Variants in DLG2 observed in about 807,000 individuals in gnomAD.
DLG2 encodes the protein disks large homolog 2.
In DLG2, 45 loss-of-function variants were observed where a neutral mutation model predicts 132.5. The ratio of observed to expected loss-of-function variants is 0.34; its 90% CI spans 0.27 to 0.44. The LOEUF is 0.44. Ranked by LOEUF, DLG2 falls within the 20% of genes least tolerant of loss-of-function variation. DLG2 has a pLI of 1.00. For synonymous variants in DLG2, 424 were observed against 419.6 expected, an observed-to-expected ratio of 1.01 and a Z score of -0.13; for missense variants, 1,045 against 1,196.9, an observed-to-expected ratio of 0.87 and a Z score of 1.87.
At chr11:84,918,307 A>G (rs1235411812) in intron 6 of DLG2, among the ~76,000 whole-genome samples, 2 of 151,414 alleles carry the variant, frequency 1.3e-5, no homozygotes, top group Non-Finnish European at 2.9e-5. Flanking sequence ...ATAAGGCAGT[A>G]TAAGATGTAT....
intron 18 of DLG2, among the ~76,000 whole-genome samples, chr11:83,782,722 G>C (rs1369576317): frequency 6.6e-6 from 1 of 152,140 alleles, no homozygotes; most frequent in African/African-American, 2.4e-5. Context: ...GATACTGTGG[G>C]TGGTGGAGGG....
At chr11:84,238,280 C>T (rs4944474) in intron 8 of DLG2, among the ~76,000 whole-genome samples, 106,197 of 151,848 alleles carry the variant, frequency 0.7, 38,146 homozygotes, top group Middle Eastern at 0.83. Flanking sequence ...TTTGAGAGGC[C>T]GAGGTGTGCG....
intron 19 of DLG2, among the ~76,000 whole-genome samples, chr11:83,551,113 G>T (rs1683462980): frequency 6.6e-6 from 1 of 151,964 alleles, no homozygotes; most frequent in Non-Finnish European, 1.5e-5. Flanking sequence ...TCATATCTTT[G>T]TACCTGGGCT....
Position 84,040,233 on chromosome 11 carries a change from C to T in DLG2, c.919+19082G>A, listed in dbSNP as rs1382574273. Among the ~76,000 whole-genome samples, 3 of 151,700 alleles carry T rather than the reference C, an allele frequency of 2.0e-5. No homozygotes were observed. The East Asian group carries it at 5.8e-4, about 30-fold the overall frequency. ...GAAGCTCTTTAGTTTAATTAGATTC[C>T]ATTTGTCAATTTTGGCTTTTGTTGC... On this transcript the variant is annotated intron_variant, in intron 11 of 27. Coordinates refer to ENST00000376104, the MANE Select transcript of DLG2 (RefSeq NM_001142699.3).
At chr11:85,037,830 AT>A (rs2061542909) in intron 6 of DLG2, among the ~76,000 whole-genome samples, 1 of 152,188 alleles carries the variant, frequency 6.6e-6, no homozygotes, top group Admixed American at 6.5e-5. Context: ...CTTATTTTTT[AT>A]TACAGATTGT....
chr11:84,899,234 C>T (rs1398429189), intron 6 of DLG2, among the ~76,000 whole-genome samples: 1 of 152,028 alleles, frequency 6.6e-6, no homozygotes, highest in Non-Finnish European at 1.5e-5. Flanking sequence ...TAGTGTCATG[C>T]TTCCCCACTC....
At chr11:84,363,348 G>T (rs1238846394) in intron 7 of DLG2, among the ~76,000 whole-genome samples, 2 of 151,550 alleles carry the variant, frequency 1.3e-5, no homozygotes, top group African/African-American at 4.8e-5. Context: ...CCCACTTTTT[G>T]ATGGGGTTGT....
intron 11 of DLG2, among the ~76,000 whole-genome samples, chr11:84,040,596 C>T (rs2096045328): frequency 6.6e-6 from 1 of 151,998 alleles, no homozygotes; most frequent in Non-Finnish European, 1.5e-5. Context: ...GTTTTGGTAC[C>T]AGTACCATGC....
intron 7 of DLG2, among the ~76,000 whole-genome samples, chr11:84,399,605 T>C (rs1028450748): frequency 6.6e-6 from 1 of 151,974 alleles, no homozygotes; most frequent in Non-Finnish European, 1.5e-5. Flanking sequence ...TTAGTAGAGA[T>C]GGGGTTTCAC....
At chr11:85,130,501 C>T (rs997138884) in intron 5 of DLG2, among the ~76,000 whole-genome samples, 1 of 152,096 alleles carries the variant, frequency 6.6e-6, no homozygotes, top group African/African-American at 2.4e-5. Flanking sequence ...TTTCTGTTTT[C>T]CTGCCACTAA....
intron 4 of DLG2, among the ~76,000 whole-genome samples, chr11:85,204,429 T>C (rs2081714666): frequency 6.6e-6 from 1 of 152,092 alleles, no homozygotes; most frequent in Non-Finnish European, 1.5e-5. Context: ...GCAATCCCAT[T>C]AACAATAGTT....
intron 5 of DLG2, among the ~76,000 whole-genome samples, chr11:85,131,360 TA>T (rs2075694953): frequency 1.1e-4 from 16 of 152,114 alleles, no homozygotes. Context: ...TGGGAATAAA[TA>T]ATCATAAAAC....
intron 6 of DLG2, among the ~76,000 whole-genome samples, chr11:84,906,564 C>T (rs1252565316): frequency 6.6e-6 from 1 of 151,956 alleles, no homozygotes; most frequent in Non-Finnish European, 1.5e-5. Flanking sequence ...AAAAAGCTTG[C>T]CTCCTTCTAC....
intron 18 of DLG2, among the ~76,000 whole-genome samples, chr11:83,782,733 G>T (rs2094883812): frequency 6.6e-6 from 1 of 152,164 alleles, no homozygotes; most frequent in South Asian, 2.1e-4. Flanking sequence ...TGGTGGAGGG[G>T]TGAGTGGGGT....
chr11:83,790,203 C>G (rs565715369), intron 17 of DLG2: 8 of 874,496 alleles, frequency 9.1e-6, no homozygotes, highest in African/African-American at 1.7e-5. Context: ...ACTGAATGCT[C>G]AATTAGATCA....
At chr11:85,577,189 T>C (rs1225338748) in intron 3 of DLG2, among the ~76,000 whole-genome samples, 2 of 152,142 alleles carry the variant, frequency 1.3e-5, no homozygotes, top group African/African-American at 4.8e-5. Context: ...AAAATATCAC[T>C]CTGTATGCTA....
At chr11:85,360,180 T>C (rs549514242) in intron 3 of DLG2, among the ~76,000 whole-genome samples, 16 of 152,304 alleles carry the variant, frequency 1.1e-4, no homozygotes, top group African/African-American at 3.8e-4. Context: ...GGTTTCTAGT[T>C]GTCAGTTTAG....
chr11:84,355,326 T>A (rs1314611440), intron 7 of DLG2, among the ~76,000 whole-genome samples: 2 of 152,074 alleles, frequency 1.3e-5, no homozygotes, highest in Non-Finnish European at 2.9e-5. Flanking sequence ...AAAATTTATA[T>A]GTTGAAATCC....
rs1310068356 is a variant in DLG2 at position 83,833,080 on chromosome 11, C to T, written c.1722+534G>A. On this transcript the variant is annotated intron_variant, in intron 17 of 27. Transcript: ENST00000376104. Reference sequence around the variant, plus strand: ...CAGAACATCTAGAAGAAAACATTAGCACCTTCGCCTTTATTTGAGGGAAGT... The same window carrying T: ...CAGAACATCTAGAAGAAAACATTAGTACCTTCGCCTTTATTTGAGGGAAGT... 2.0e-5 allele frequency among the ~76,000 whole-genome samples: 3 copies of T among 152,174 alleles called. No individual in the cohort carries two copies. The East Asian group carries it at 5.8e-4, about 29-fold the overall frequency.
Sources: gnomAD v4.1 joint callset for allele counts (sites outside exome capture counted in the v4.1 genomes callset) on GRCh38, gnomAD v4.1.1 for gene constraint, MANE v1.5 for transcripts, NCBI Gene and HGNC (gene_info 2026-07-23, HGNC 2026-07-21) for gene names.